The following CYP7B1 variants were observed in gnomAD, a reference collection of about 807,000 sequenced individuals.
CYP7B1 encodes cytochrome P450 7B1.
A neutral mutation model predicts 42.7 loss-of-function variants in CYP7B1; 29 were observed. That is an observed-to-expected ratio of 0.68 (90% CI 0.51 to 0.93). CYP7B1 has a LOEUF of 0.93. Among genes scored for constraint, CYP7B1 ranks in the 40% least tolerant of loss-of-function variants. The pLI is 0.00. For missense variants in CYP7B1, 655 were observed against 600.5 expected (o/e 1.09, Z -0.95); for synonymous variants, 235 against 218.2 (o/e 1.08, Z -0.68).
In CYP7B1 at chr8:64,616,231, T is replaced by G; in HGVS notation, c.310A>C (p.Lys104Gln). 1 of 1,609,870 alleles carries G rather than the reference T, an allele frequency of 6.2e-7. No homozygotes were observed. The highest frequency in any genetic ancestry group is 8.5e-7 in the Non-Finnish European group (1 of 1,178,166). Reference protein sequence around the residue: ...LDPFQYQLVIKNHKQLSFRVF... With the variant: ...LDPFQYQLVIQNHKQLSFRVF... ...CGAAAGCTTAATTGTTTATGATTTTTTATCACTAGCTGGTACTGGAAGGGG... is the reference window on the plus strand; with the variant it reads ...CGAAAGCTTAATTGTTTATGATTTTGTATCACTAGCTGGTACTGGAAGGGG... The change falls in exon 3 of 6, where the codon AAA (lysine) becomes CAA (glutamine). Residue 104 changes from lysine to glutamine, a missense_variant. Coordinates refer to ENST00000310193, the MANE Select transcript of CYP7B1 (RefSeq NM_004820.5).
chr8:64,705,380 C>T (rs1806980330), intron 1 of CYP7B1, among the ~76,000 whole-genome samples: 1 of 151,860 alleles, frequency 6.6e-6, no homozygotes, highest in African/African-American at 2.4e-5. Flanking sequence ...TTGTCTAAAA[C>T]ATCACTTTTT....
chr8:64,655,227 A>T (rs1352637444), intron 1 of CYP7B1, among the ~76,000 whole-genome samples: 1 of 152,226 alleles, frequency 6.6e-6, no homozygotes, highest in African/African-American at 2.4e-5. Context: ...TCAACAGAGT[A>T]AACAGACAAC....
chr8:64,761,117 A>G (rs917074991), intron 1 of CYP7B1, among the ~76,000 whole-genome samples: 6 of 152,258 alleles, frequency 3.9e-5, no homozygotes, highest in Admixed American at 2.0e-4. Flanking sequence ...GATATCACTT[A>G]CACGTGGAAT....
chr8:64,763,577 C>T (rs1435269048), intron 1 of CYP7B1, among the ~76,000 whole-genome samples: 6 of 152,168 alleles, frequency 3.9e-5, no homozygotes, highest in Non-Finnish European at 5.9e-5. Flanking sequence ...ACCTGTTGGC[C>T]GGTTAAAAAC....
intron 1 of CYP7B1, among the ~76,000 whole-genome samples, chr8:64,687,386 A>T (rs1806672026): frequency 1.3e-5 from 2 of 152,214 alleles, no homozygotes; most frequent in African/African-American, 4.8e-5. Flanking sequence ...ATGCACGGAG[A>T]AAGTAAATTA....
intron 1 of CYP7B1, among the ~76,000 whole-genome samples, chr8:64,719,646 T>C (rs2129632839): frequency 6.6e-6 from 1 of 152,334 alleles, no homozygotes; most frequent in East Asian, 1.9e-4. Context: ...TTATCAACCA[T>C]AAGGGCCCAT....
intron 1 of CYP7B1, among the ~76,000 whole-genome samples, chr8:64,655,241 C>T (rs1806104405): frequency 6.6e-6 from 1 of 152,114 alleles, no homozygotes; most frequent in Non-Finnish European, 1.5e-5. Context: ...AGACAACCTA[C>T]AGAATAGGAG....
In CYP7B1 at chr8:64,754,296, G is replaced by T. The variant is rs527987959; in HGVS notation, c.122+44170C>A. 7.2e-5 allele frequency among the ~76,000 whole-genome samples: 11 copies of T among 152,284 alleles called. No homozygotes were observed. In the South Asian group the frequency reaches 2.3e-3, roughly 32 times the overall value. ...GAAAGCCCTGCCCAAAAAATGCAGGGTATCTTGAATATATTTTTAGTATTG... is the reference window on the plus strand; with the variant it reads ...GAAAGCCCTGCCCAAAAAATGCAGGTTATCTTGAATATATTTTTAGTATTG... On this transcript the variant is annotated intron_variant, in intron 1 of 5. Coordinates refer to ENST00000310193, the MANE Select transcript of CYP7B1 (RefSeq NM_004820.5).
At chr8:64,697,461 T>G (rs1806846421) in intron 1 of CYP7B1, among the ~76,000 whole-genome samples, 1 of 152,172 alleles carries the variant, frequency 6.6e-6, no homozygotes, top group Admixed American at 6.5e-5. Flanking sequence ...TCTTGTCCAT[T>G]TCTGTATAAC....
downstream of CYP7B1, chr8:64,587,921 C>T (rs1376104111): frequency 6.6e-6 from 1 of 152,188 alleles, no homozygotes; most frequent in Admixed American, 6.5e-5. Context: ...CACAAGTCAC[C>T]ACCATGCTTG....
At chr8:64,651,916 A>T (rs1404548682) in intron 1 of CYP7B1, among the ~76,000 whole-genome samples, 1 of 152,220 alleles carries the variant, frequency 6.6e-6, no homozygotes, top group Non-Finnish European at 1.5e-5. Flanking sequence ...CAAAGCAGAG[A>T]TAATAATACT....
intron 1 of CYP7B1, among the ~76,000 whole-genome samples, chr8:64,719,333 T>G (rs997424619): frequency 1.3e-5 from 2 of 152,192 alleles, no homozygotes; most frequent in African/African-American, 4.8e-5. Context: ...AAACTACACT[T>G]TCATGATAAA....
Position 64,593,143 on chromosome 8 carries a change from A to T in CYP7B1, c.*3499T>A, listed in dbSNP as rs1197370448. On this transcript the variant is annotated 3_prime_UTR_variant, in exon 6 of 6. Coordinates refer to ENST00000310193, the MANE Select transcript of CYP7B1 (RefSeq NM_004820.5). ...ACTAAGTTGAATTTAAAGCTATGGAACTTCCACTTTAGGCAACATGGCGAA... is the reference window on the plus strand; with the variant it reads ...ACTAAGTTGAATTTAAAGCTATGGATCTTCCACTTTAGGCAACATGGCGAA... Among the ~76,000 whole-genome samples, 3 of 151,946 alleles carry T rather than the reference A, an allele frequency of 2.0e-5. No homozygotes were observed. The East Asian group carries it at 5.8e-4, about 29-fold the overall frequency.
At chr8:64,710,204 G>A (rs1035300694) in intron 1 of CYP7B1, among the ~76,000 whole-genome samples, 6 of 152,050 alleles carry the variant, frequency 3.9e-5, no homozygotes, top group Admixed American at 1.3e-4. Context: ...ATCTGACCAG[G>A]TCACCCCATC....
intron 1 of CYP7B1, among the ~76,000 whole-genome samples, chr8:64,642,869 C>T (rs1377902281): frequency 2.0e-5 from 3 of 151,844 alleles, no homozygotes; most frequent in Admixed American, 6.6e-5. Flanking sequence ...GGTGCTGTGT[C>T]CCAGAGCATA....
At chr8:64,786,822 C>T (rs1300636396) in intron 1 of CYP7B1, among the ~76,000 whole-genome samples, 1 of 152,234 alleles carries the variant, frequency 6.6e-6, no homozygotes, top group African/African-American at 2.4e-5. Flanking sequence ...CACACTTCTT[C>T]CTGGACATCC....
intron 1 of CYP7B1, among the ~76,000 whole-genome samples, chr8:64,723,131 G>A (rs995369357): frequency 6.6e-5 from 10 of 152,154 alleles, no homozygotes; most frequent in African/African-American, 2.2e-4. Context: ...TTTGAAAACC[G>A]TTTTGGAAAT....
intron 1 of CYP7B1, among the ~76,000 whole-genome samples, chr8:64,747,514 A>C (rs919401518): frequency 3.3e-5 from 5 of 151,696 alleles, no homozygotes; most frequent in African/African-American, 9.6e-5. Context: ...ATATTCCTAC[A>C]ATAAAGTAAG....
At chr8:64,703,494 A>G (rs940802989) in intron 1 of CYP7B1, among the ~76,000 whole-genome samples, 1 of 152,028 alleles carries the variant, frequency 6.6e-6, no homozygotes, top group African/African-American at 2.4e-5. Flanking sequence ...CCAGGAAAAT[A>G]TAGGTAGCAG....
Sources: allele counts gnomAD v4.1 joint callset (sites outside exome capture counted in the v4.1 genomes callset), GRCh38; gene constraint gnomAD v4.1.1; transcripts MANE v1.5; gene names NCBI Gene and HGNC (gene_info 2026-07-23, HGNC 2026-07-21).